The following PTPN5 variants were observed in gnomAD, a reference collection of about 807,000 sequenced individuals.
PTPN5 encodes protein tyrosine phosphatase non-receptor type 5, also known as tyrosine-protein phosphatase non-receptor type 5.
Under a neutral mutation model 73.9 loss-of-function variants are expected in PTPN5, and 29 were observed. That is an observed-to-expected ratio of 0.39 (90% CI 0.29 to 0.54). The LOEUF (loss-of-function observed/expected upper bound fraction) is 0.54. PTPN5 is among the 20% of genes least tolerant of loss of function. PTPN5 has a pLI of 0.65. For missense variants in PTPN5, 652 were observed against 751.4 expected (o/e 0.87, Z 1.55); for synonymous variants, 267 against 304.7 (o/e 0.88, Z 1.29).
chr11:18,755,505 T>C (rs1275729128), intron 3 of PTPN5, among the ~76,000 whole-genome samples: 1 of 152,168 alleles, frequency 6.6e-6, no homozygotes, highest in Non-Finnish European at 1.5e-5. Context: ...GCAGGCTGTA[T>C]TCCCAATGAG....
In PTPN5 at chr11:18,742,499, C is replaced by G; in HGVS notation, c.488G>C (p.Trp163Ser). ...VGLVLVTTLV[W>S]HLLRTPPEPP... Reference sequence around the variant, plus strand: ...CTCTGGGGGTGTCCTCAGGAGGTGCCACACCTGGTTGGGGTGTACAGCATC... The same window carrying G: ...CTCTGGGGGTGTCCTCAGGAGGTGCGACACCTGGTTGGGGTGTACAGCATC... Residue 163 changes from tryptophan (W) to serine (S), a missense_variant, in exon 7 of 15, where the codon TGG becomes TCG. Trp to Ser is a radical substitution (Grantham distance 177). Coordinates refer to ENST00000358540, the MANE Select transcript of PTPN5 (RefSeq NM_006906.2). This position sits in a 1 kb window ranked among gnomAD's most constrained non-coding sequence, Gnocchi z 4.1. 1.2e-6 allele frequency: 2 copies of G among 1,613,244 alleles called. No individual in the cohort carries two copies. Among genetic ancestry groups the G allele is most frequent in the South Asian group, 2.2e-5 (2 of 91,066 alleles).
At chr11:18,787,974 T>C (rs1195204738) in intron 1 of PTPN5, among the ~76,000 whole-genome samples, 2 of 152,200 alleles carry the variant, frequency 1.3e-5, no homozygotes, top group African/African-American at 4.8e-5. Context: ...GGGCTCATTA[T>C]GGTCCCTGGT....
intron 3 of PTPN5, among the ~76,000 whole-genome samples, chr11:18,753,284 GC>G (rs1449741707): frequency 1.3e-5 from 2 of 152,196 alleles, no homozygotes; most frequent in Non-Finnish European, 2.9e-5. Context: ...GTGTCAGGGG[GC>G]CTGGACTCTC....
intron 1 of PTPN5, among the ~76,000 whole-genome samples, chr11:18,775,235 G>C (rs903121572): frequency 6.6e-6 from 1 of 152,108 alleles, no homozygotes; most frequent in Admixed American, 6.5e-5. Flanking sequence ...TTTAGCTTTT[G>C]GTAAGAAAAA....
intron 8 of PTPN5, among the ~76,000 whole-genome samples, chr11:18,740,006 T>C (rs1442023106): frequency 2.0e-5 from 3 of 152,224 alleles, no homozygotes; most frequent in Admixed American, 6.5e-5. Flanking sequence ...CTGTATTTTA[T>C]TGACAACAAA....
rs755061119 is a variant in PTPN5, at chr11:18,743,347, G to C, written c.374C>G (p.Thr125Arg). 3 of 1,614,154 alleles carry C rather than the reference G, an allele frequency of 1.9e-6. No homozygotes were observed. Among genetic ancestry groups the C allele is most frequent in the Non-Finnish European group, 2.5e-6 (3 of 1,180,026 alleles). ...NATNLVSSLLTLLKQLEPTAW... is the reference protein window; with the variant it reads ...NATNLVSSLLRLLKQLEPTAW... Reference sequence around the variant, plus strand: ...CGTGGGTTCCAGCTGTTTCAGGAGCGTCAGCAAAGAGGAGACGAGGTTTGT... The same window carrying C: ...CGTGGGTTCCAGCTGTTTCAGGAGCCTCAGCAAAGAGGAGACGAGGTTTGT... The change falls in exon 5 of 15, where the codon ACG becomes AGG. Residue 125 changes from threonine to arginine, a missense_variant. This residue lies in a region of PTPN5 where 529 missense variants were observed against 573.9 expected (regional missense o/e 0.92). Coordinates refer to ENST00000358540, the MANE Select transcript of PTPN5 (RefSeq NM_006906.2).
At chr11:18,761,412 A>G (rs1850384667) in intron 3 of PTPN5, among the ~76,000 whole-genome samples, 1 of 152,188 alleles carries the variant, frequency 6.6e-6, no homozygotes, top group Non-Finnish European at 1.5e-5. Flanking sequence ...GCAAATGTGA[A>G]CACCTACACA....
intron 2 of PTPN5, among the ~76,000 whole-genome samples, chr11:18,771,375 T>A (rs1475993882): frequency 6.6e-6 from 1 of 152,164 alleles, no homozygotes; most frequent in African/African-American, 2.4e-5. Context: ...AAGGTGCGAC[T>A]CAGGCGGTGC....
In PTPN5 at chr11:18,729,885, G is replaced by T. The variant is rs1324236256; in HGVS notation, c.1330-67C>A. On this transcript the variant is annotated intron_variant, in intron 12 of 14. Transcript: ENST00000358540. The surrounding 1 kb of genome is among the most constrained non-coding windows in gnomAD (Gnocchi z 5.2). ...CTTTCAGCTCACAAACCAGCCCAGA[G>T]ATAGAGATGAGATGGAAGGAGGAAG... 2 of 1,594,466 alleles carry T rather than the reference G, an allele frequency of 1.3e-6. No homozygotes were observed. The highest frequency in any genetic ancestry group is 2.7e-5 in the African/African-American group (2 of 74,554).
intron 3 of PTPN5, among the ~76,000 whole-genome samples, chr11:18,744,764 T>C (rs1233742074): frequency 1.3e-5 from 2 of 152,142 alleles, no homozygotes; most frequent in African/African-American, 2.4e-5. Context: ...CCGGAAAATC[T>C]TGGTGTAGCA....
rs1174069338 is a variant in PTPN5, at chr11:18,729,662, A to T, written c.1486T>A (p.Cys496Ser). Residue 496 changes from cysteine to serine, a missense_variant, in exon 13 of 15, where the codon TGC becomes AGC. Cys to Ser is a moderately radical substitution (Grantham distance 112). This residue lies in a region of PTPN5 where 102 missense variants were observed against 160.5 expected (regional missense o/e 0.64). Transcript: ENST00000358540. This position sits in a 1 kb window ranked among gnomAD's most constrained non-coding sequence, Gnocchi z 5.2. ...TGGCTGGCTGGGAGGACCCACCTGC[A>T]GTGGACGATGATGGGGGCACAGTGG... ...GPHCAPIIVH[C>S]SAGIGRTGCF... 6.4e-7 allele frequency: 1 copy of T among 1,573,652 alleles called. No individual in the cohort carries two copies. The highest frequency in any genetic ancestry group is 2.3e-5 in the East Asian group (1 of 44,312).
chr11:18,780,428 G>A (rs1280843972), intron 1 of PTPN5, among the ~76,000 whole-genome samples: 1 of 152,186 alleles, frequency 6.6e-6, no homozygotes, highest in Non-Finnish European at 1.5e-5. Context: ...CCTAGCTCCT[G>A]CCACACCCTG....
intron 12 of PTPN5, 189 bp from the exon 13 acceptor site, chr11:18,730,007 T>G: frequency 1.4e-6 from 1 of 703,614 alleles, no homozygotes; most frequent in South Asian, 1.8e-5. Flanking sequence ...CAGCTTGGTT[T>G]TGGGGGTTGG....
chr11:18,788,939 A>C (rs115570043), intron 1 of PTPN5, among the ~76,000 whole-genome samples: 1 of 152,346 alleles, frequency 6.6e-6, no homozygotes. Flanking sequence ...CTACATACAA[A>C]TTAATTATGA....
Position 18,743,375 on chromosome 11 carries a change from C to A in PTPN5, c.346G>T (p.Ala116Ser). The part of the protein sequence containing the change: ...SGYGHIWSQN[A>S]TNLVSSLLTL... Reference sequence around the variant, plus strand: ...AGCAAAGAGGAGACGAGGTTTGTGGCGTTCTGTGACCAGATGTGGCCATAA... The same window carrying A: ...AGCAAAGAGGAGACGAGGTTTGTGGAGTTCTGTGACCAGATGTGGCCATAA... Residue 116 changes from alanine to serine, a missense_variant, in exon 5 of 15, where the codon GCC (alanine) becomes TCC (serine). Ala to Ser is a moderately conservative substitution (Grantham distance 99). Transcript: ENST00000358540. 3 of 1,614,130 alleles carry A rather than the reference C, an allele frequency of 1.9e-6. No individual in the cohort carries two copies. Among genetic ancestry groups the A allele is most frequent in the Non-Finnish European group, 2.5e-6 (3 of 1,180,020 alleles).
chr11:18,741,334 GGCCGCAAGGAT>G (rs1362714582), intron 7 of PTPN5, among the ~76,000 whole-genome samples: 1 of 152,142 alleles, frequency 6.6e-6, no homozygotes, highest in African/African-American at 2.4e-5. Flanking sequence ...GCAGCACGGT[GGCCGCAAGGAT>G]GTCTACAATG....
intron 8 of PTPN5, chr11:18,740,360 T>A (rs1285261199): frequency 2.8e-6 from 1 of 353,274 alleles, no homozygotes; most frequent in Non-Finnish European, 5.1e-6. Context: ...CTGGGTGCTC[T>A]GCACATGTTA....
At chr11:18,778,188 G>A (rs1851259871) in intron 1 of PTPN5, among the ~76,000 whole-genome samples, 1 of 152,190 alleles carries the variant, frequency 6.6e-6, no homozygotes, top group African/African-American at 2.4e-5. Flanking sequence ...TAGAGCAGCA[G>A]TAGGACCTAA....
intron 3 of PTPN5, among the ~76,000 whole-genome samples, chr11:18,764,779 C>T (rs996564186): frequency 6.6e-6 from 1 of 152,198 alleles, no homozygotes; most frequent in African/African-American, 2.4e-5. Context: ...GTGGCGCGAT[C>T]TCGGCTCACT....
Sources: gnomAD v4.1 joint callset for allele counts (sites outside exome capture counted in the v4.1 genomes callset) on GRCh38, gnomAD v4.1.1 for gene constraint, gnomAD v4.1.1 regional missense constraint, Gnocchi (gnomAD v3.1) non-coding constraint, MANE v1.5 for transcripts, NCBI Gene and HGNC (gene_info 2026-07-23, HGNC 2026-07-21) for gene names.